The following OR5H1 variants were observed in gnomAD, a reference collection of about 807,000 sequenced individuals.
OR5H1 encodes olfactory receptor 5H1.
For synonymous variants in OR5H1, 124 were observed against 134.4 expected (o/e 0.92, Z 0.54); for missense variants, 378 against 366.8 (o/e 1.03, Z -0.25).
In OR5H1 at chr3:98,135,355, T is replaced by A. The variant is rs549613747; in HGVS notation, c.*1716T>A. The A allele has an allele frequency of 4.6e-5, 7 of 152,306 alleles. No homozygotes were observed. In the East Asian group the frequency reaches 1.4e-3, roughly 29 times the overall value. 9.4% of individuals were successfully genotyped at this position (152,306 alleles called of 1,614,324 possible). The stretch of plus-strand genomic sequence containing the variant: ...CCATTTACAATGAGTTGGATTCCTG[T>A]TTGCTTAGGTACAAACCCACTTTGC... On this transcript the variant is annotated 3_prime_UTR_variant, in exon 2 of 2. Coordinates refer to ENST00000641874, the MANE Select transcript of OR5H1 (RefSeq NM_001005338.2).
intron 1 of OR5H1, among the ~76,000 whole-genome samples, chr3:98,131,545 A>T (rs1708255061): frequency 6.6e-6 from 1 of 151,812 alleles, no homozygotes. Context: ...GATGGCAAAA[A>T]AGGAGATCAC....
In OR5H1 at chr3:98,135,526, A is replaced by G. The variant is rs1237774051; in HGVS notation, c.*1887A>G. 1.3e-5 allele frequency: 2 copies of G among 152,070 alleles called. No homozygotes were observed. The highest frequency in any genetic ancestry group is 2.9e-5 in the Non-Finnish European group (2 of 67,988). The allele number at this position is 152,070 out of a possible 1,614,324, so 9.4% of individuals were successfully genotyped here. ...TGGTTTGTCTTTGTCTCAGCATGGA[A>G]CTCATAAGTTACAATGTCTGGTCTC... On this transcript the variant is annotated 3_prime_UTR_variant, in exon 2 of 2. Transcript: ENST00000641874.
rs901306716 is a variant in OR5H1 at position 98,136,024 on chromosome 3, C to T, written c.*2385C>T. The T allele has an allele frequency of 6.6e-6, 1 of 152,170 alleles. No individual in the cohort carries two copies. Among genetic ancestry groups the T allele is most frequent in the Admixed American group, 6.5e-5 (1 of 15,278 alleles). The allele number at this position is 152,170 out of a possible 1,614,324, so 9.4% of individuals were successfully genotyped here. A position where few individuals can be genotyped will look rare whatever the true frequency, so the allele number is the denominator to read the frequency against. ...GAAGATTATCCTCTGACATTTATAT[C>T]AAGTTGTCCAGCCCTAGCTTGTAGC... On this transcript the variant is annotated 3_prime_UTR_variant, in exon 2 of 2. Transcript: ENST00000641874.
In OR5H1 at chr3:98,134,428, A is replaced by G. The variant is rs1708297135; in HGVS notation, c.*789A>G. On this transcript the variant is annotated 3_prime_UTR_variant, in exon 2 of 2. Transcript: ENST00000641874. Reference sequence around the variant, plus strand: ...GAAATAAGTATCATAAAAGAAAGAAAGTGGTCTTAATGTTTTTATGATGAA... The same window carrying G: ...GAAATAAGTATCATAAAAGAAAGAAGGTGGTCTTAATGTTTTTATGATGAA... 6.6e-6 allele frequency: 1 copy of G among 152,072 alleles called. No homozygotes were observed. The highest frequency in any genetic ancestry group is 2.1e-4 in the South Asian group (1 of 4,824). 9.4% of individuals were successfully genotyped at this position (152,072 alleles called of 1,614,324 possible). A position where few individuals can be genotyped will look rare whatever the true frequency, so the allele number is the denominator to read the frequency against.
chr3:98,134,455 C>CTACCAAGAT lies in OR5H1; in HGVS notation c.*817_*825dup, dbSNP rs1413629124. On this transcript the variant is annotated 3_prime_UTR_variant, in exon 2 of 2. Coordinates refer to ENST00000641874, the MANE Select transcript of OR5H1 (RefSeq NM_001005338.2). Reference sequence around the variant, plus strand: ...TGGTCTTAATGTTTTTATGATGAAGCTACCAAGATGTGTAAAAATCAATAA... The same window carrying CTACCAAGAT: ...TGGTCTTAATGTTTTTATGATGAAGCTACCAAGATTACCAAGATGTGTAAAAATCAATAA... The CTACCAAGAT allele has an allele frequency of 6.6e-6, 1 of 152,042 alleles. No homozygotes were observed. The highest frequency in any genetic ancestry group is 1.5e-5 in the Non-Finnish European group (1 of 67,964). The allele number at this position is 152,042 out of a possible 1,614,324, so 9.4% of individuals were successfully genotyped here. A position where few individuals can be genotyped will look rare whatever the true frequency, so the allele number is the denominator to read the frequency against.
At chr3:98,131,299 C>T (rs1212571704) in intron 1 of OR5H1, among the ~76,000 whole-genome samples, 6 of 151,910 alleles carry the variant, frequency 3.9e-5, no homozygotes, top group Non-Finnish European at 8.8e-5. Flanking sequence ...TGAGAGCTCA[C>T]ACTGTAAATT....
chr3:98,133,610 T>G lies in OR5H1; in HGVS notation c.913T>G (p.Leu305Val), dbSNP rs527463332. The G allele has an allele frequency of 1.2e-6, 2 of 1,604,556 alleles. No individual in the cohort carries two copies. The highest frequency in any genetic ancestry group is 2.2e-5 in the South Asian group (2 of 89,062). The change falls in exon 2 of 2, where the codon TTA (leucine) becomes GTA (valine). Residue 305 changes from leucine to valine, a missense_variant. Leu to Val is a conservative substitution (Grantham distance 32). Transcript: ENST00000641874. The stretch of plus-strand genomic sequence containing the variant: ...AGTCACAGTTTCATTCACAAAAATG[T>G]TAAAAAAACATGTTAAGGTTTCATA... Reference protein sequence around the residue: ...KQVTVSFTKMLKKHVKVSY With the variant: ...KQVTVSFTKMVKKHVKVSY
Position 98,138,283 on chromosome 3 carries a change from AT to A in OR5H1, c.*4645del, listed in dbSNP as rs1559805316. 6.6e-6 allele frequency: 1 copy of A among 152,172 alleles called. No homozygotes were observed. The highest frequency in any genetic ancestry group is 2.4e-5 in the African/African-American group (1 of 41,440). The allele number at this position is 152,172 out of a possible 1,614,324, so 9.4% of individuals were successfully genotyped here. A position where few individuals can be genotyped will look rare whatever the true frequency, so the allele number is the denominator to read the frequency against. On this transcript the variant is annotated 3_prime_UTR_variant, in exon 2 of 2. Transcript: ENST00000641874. ...AGGTTTCACAATGTCCTACCATACG[AT>A]GTCTGGAATCTATAGATAACAACAG...
At position 98,132,688 on chromosome 3, in the gene OR5H1, C is replaced by T; in HGVS notation, c.-10C>T. The T allele has an allele frequency of 6.2e-7, 1 of 1,612,546 alleles. No homozygotes were observed. Among genetic ancestry groups the T allele is most frequent in the Non-Finnish European group, 8.5e-7 (1 of 1,179,010 alleles). On this transcript the variant is annotated 5_prime_UTR_variant, in exon 2 of 2. Coordinates refer to ENST00000641874, the MANE Select transcript of OR5H1 (RefSeq NM_001005338.2). Reference sequence around the variant, plus strand: ...GTTGCATTTTATTTTAGAGGGCATGCTGTGAGGACATGGAAGAGGAAAATG... The same window carrying T: ...GTTGCATTTTATTTTAGAGGGCATGTTGTGAGGACATGGAAGAGGAAAATG...
rs1708331377 is a variant in OR5H1 at position 98,137,296 on chromosome 3, T to C, written c.*3657T>C. 1 of 152,200 alleles carries C rather than the reference T, an allele frequency of 6.6e-6. No homozygotes were observed. The highest frequency in any genetic ancestry group is 1.5e-5 in the Non-Finnish European group (1 of 68,032). 9.4% of individuals were successfully genotyped at this position (152,200 alleles called of 1,614,324 possible). On this transcript the variant is annotated 3_prime_UTR_variant, in exon 2 of 2. Coordinates refer to ENST00000641874, the MANE Select transcript of OR5H1 (RefSeq NM_001005338.2). ...CAAAGTTTCTTTAATTCTGGTCTCG[T>C]GTTGTGTTTCTAACGTTATCAGAAA...
Position 98,138,519 on chromosome 3 carries a change from A to C in OR5H1, c.*4880A>C, listed in dbSNP as rs760941874. 9 of 152,058 alleles carry C rather than the reference A, an allele frequency of 5.9e-5. No homozygotes were observed. Among genetic ancestry groups the C allele is most frequent in the Non-Finnish European group, 1.3e-4 (9 of 68,042 alleles). The allele number at this position is 152,058 out of a possible 1,614,324, so 9.4% of individuals were successfully genotyped here. A position where few individuals can be genotyped will look rare whatever the true frequency, so the allele number is the denominator to read the frequency against. On this transcript the variant is annotated 3_prime_UTR_variant, in exon 2 of 2. Coordinates refer to ENST00000641874, the MANE Select transcript of OR5H1 (RefSeq NM_001005338.2). The stretch of plus-strand genomic sequence containing the variant: ...CATAAAAGCAAAAATCTAAAAGTCA[A>C]ATATGTGTTTTTTTGTTTTATTGCC...
chr3:98,138,361 C>T lies in OR5H1; in HGVS notation c.*4722C>T, dbSNP rs1417742593. The T allele has an allele frequency of 6.6e-6, 1 of 152,186 alleles. No homozygotes were observed. The highest frequency in any genetic ancestry group is 2.4e-5 in the African/African-American group (1 of 41,446). 9.4% of individuals were successfully genotyped at this position (152,186 alleles called of 1,614,324 possible). On this transcript the variant is annotated 3_prime_UTR_variant, in exon 2 of 2. Transcript: ENST00000641874. The stretch of plus-strand genomic sequence containing the variant: ...CAACCAGGCTTAGGTCAGGCAGGCC[C>T]AGGCCTGGTTTCGGGTCTGGTTCCT...
In OR5H1 at chr3:98,134,203, C is replaced by G. The variant is rs114655590; in HGVS notation, c.*564C>G. The G allele has an allele frequency of 7.0e-3, 1,107 of 157,268 alleles. 11 individuals are homozygous for G. Among genetic ancestry groups the G allele is most frequent in the African/African-American group, 0.025 (1,045 of 41,572 alleles). 9.7% of individuals were successfully genotyped at this position (157,268 alleles called of 1,614,324 possible). On this transcript the variant is annotated 3_prime_UTR_variant, in exon 2 of 2. Transcript: ENST00000641874. ...ATAGAAGGAATGAACAGTGAAGGCA[C>G]TGCCATAGTGTAAGAGCATGCTCTT...
At position 98,135,179 on chromosome 3, in the gene OR5H1, G is replaced by A. The variant is rs1262685493; in HGVS notation, c.*1540G>A. ...CTGAAGGTGCAAGAGAGGAGATAAA[G>A]GCTTTTACAGGGCAAATGTGAAAGT... On this transcript the variant is annotated 3_prime_UTR_variant, in exon 2 of 2. Coordinates refer to ENST00000641874, the MANE Select transcript of OR5H1 (RefSeq NM_001005338.2). The A allele has an allele frequency of 6.6e-6, 1 of 152,116 alleles. No homozygotes were observed. The highest frequency in any genetic ancestry group is 1.9e-4 in the East Asian group (1 of 5,190). The allele number at this position is 152,116 out of a possible 1,614,324, so 9.4% of individuals were successfully genotyped here.
Position 98,133,073 on chromosome 3 carries a change from A to G in OR5H1, c.376A>G (p.Ile126Val). The G allele has an allele frequency of 2.5e-6, 4 of 1,613,638 alleles. No individual in the cohort carries two copies. The highest frequency in any genetic ancestry group is 3.4e-6 in the Non-Finnish European group (4 of 1,179,684). ...GATGGCATATGATCGCTATGTAGCC[A>G]TATGCAAACCTTTACTTTATCCAGC... ...ATMAYDRYVA[I>V]CKPLLYPAIM... The change falls in exon 2 of 2, where the codon ATA (isoleucine) becomes GTA (valine). Residue 126 changes from isoleucine to valine, a missense_variant. Physicochemically the swap from Ile to Val is conservative, Grantham distance 29. Transcript: ENST00000641874.
intron 1 of OR5H1, among the ~76,000 whole-genome samples, chr3:98,131,528 T>C (rs1232291370): frequency 2.6e-5 from 4 of 151,642 alleles, no homozygotes; most frequent in Non-Finnish European, 5.9e-5. Flanking sequence ...ACAGCCACTA[T>C]GATTTCGATG....
chr3:98,132,756 A>T lies in OR5H1; in HGVS notation c.59A>T (p.Gln20Leu). The part of the protein sequence containing the change: ...TEFVLTGFLY[Q>L]PQWKIPLFLA... The stretch of plus-strand genomic sequence containing the variant: ...TTTGTTCTCACAGGATTTTTATATC[A>T]ACCACAGTGGAAAATACCCCTGTTC... The change falls in exon 2 of 2, where the codon CAA (glutamine) becomes CTA (leucine). Residue 20 changes from glutamine to leucine, a missense_variant. Gln to Leu is a moderately radical substitution (Grantham distance 113). Transcript: ENST00000641874. The T allele has an allele frequency of 1.2e-6, 2 of 1,613,482 alleles. No homozygotes were observed. Among genetic ancestry groups the T allele is most frequent in the Non-Finnish European group, 1.7e-6 (2 of 1,179,544 alleles).
In OR5H1 at chr3:98,137,488, T is replaced by A. The variant is rs1042821561; in HGVS notation, c.*3849T>A. 6.6e-6 allele frequency: 1 copy of A among 152,208 alleles called. No homozygotes were observed. Among genetic ancestry groups the A allele is most frequent in the Non-Finnish European group, 1.5e-5 (1 of 68,030 alleles). The allele number at this position is 152,208 out of a possible 1,614,324, so 9.4% of individuals were successfully genotyped here. A position where few individuals can be genotyped will look rare whatever the true frequency, so the allele number is the denominator to read the frequency against. ...CTGGGATAGAAGCGATTGACAAATATACATCACACCGGCATTTTACAGATT... is the reference window on the plus strand; with the variant it reads ...CTGGGATAGAAGCGATTGACAAATAAACATCACACCGGCATTTTACAGATT... On this transcript the variant is annotated 3_prime_UTR_variant, in exon 2 of 2. Transcript: ENST00000641874.
In OR5H1 at chr3:98,133,553, A is replaced by C. The variant is rs780443361; in HGVS notation, c.856A>C (p.Asn286His). The C allele has an allele frequency of 1.9e-6, 3 of 1,613,192 alleles. No individual in the cohort carries two copies. The African/African-American group carries it at 4.0e-5, about 22-fold the overall frequency. ...CTACACTGTCATCATTCCTTTGTTA[A>C]ATCCTATCATCTACAGTCTGAGAAA... is the stretch of plus-strand genomic sequence containing the variant. ...LFYTVIIPLL[N>H]PIIYSLRNKQ... is the part of the protein sequence containing the mutation. The change falls in exon 2 of 2, where the codon AAT (asparagine) becomes CAT (histidine). Residue 286 changes from asparagine to histidine, a missense_variant. Physicochemically the swap from Asn to His is moderately conservative, Grantham distance 68. Coordinates refer to ENST00000641874, the MANE Select transcript of OR5H1 (RefSeq NM_001005338.2).
Sources: gnomAD v4.1 joint callset for allele counts (sites outside exome capture counted in the v4.1 genomes callset) on GRCh38, gnomAD v4.1.1 for gene constraint, MANE v1.5 for transcripts, NCBI Gene and HGNC (gene_info 2026-07-23, HGNC 2026-07-21) for gene names.